SEC63: variants seen among roughly 807,000 people sequenced by gnomAD.
SEC63 encodes SEC63 protein translocation regulator.
A neutral mutation model predicts 116.2 loss-of-function variants in SEC63; 56 were observed. The observed-to-expected ratio is 0.48, with a 90% CI of 0.39 to 0.60. The LOEUF is 0.60. Among genes scored for constraint, SEC63 ranks in the 20% least tolerant of loss-of-function variants. The pLI is 0.00. For synonymous variants in SEC63, 273 were observed against 294.6 expected (o/e 0.93, Z 0.75); for missense variants, 668 against 900.0 (o/e 0.74, Z 3.30).
intron 19 of SEC63, among the ~76,000 whole-genome samples, chr6:107,874,846 A>ATG (rs1786225088): frequency 6.6e-6 from 1 of 151,922 alleles, no homozygotes; most frequent in African/African-American, 2.4e-5. Flanking sequence ...CCCAGCTACA[A>ATG]TGTGTGATCC....
chr6:107,895,171 C>T (rs1362494591), intron 14 of SEC63, among the ~76,000 whole-genome samples: 1 of 152,076 alleles, frequency 6.6e-6, no homozygotes, highest in African/African-American at 2.4e-5. Context: ...CCATTCCATT[C>T]TTTTTTCTAC....
chr6:107,909,376 C>CAAA (rs960279937), intron 7 of SEC63, among the ~76,000 whole-genome samples: 2 of 63,616 alleles, frequency 3.1e-5, no homozygotes, highest in East Asian at 4.9e-4. Flanking sequence ...GACTCTGTCT[C>CAAA]AAAAAAAAAA....
intron 1 of SEC63, among the ~76,000 whole-genome samples, chr6:107,941,688 C>T (rs1268665295): frequency 6.6e-6 from 1 of 152,232 alleles, no homozygotes; most frequent in Non-Finnish European, 1.5e-5. Context: ...CGTACACCCT[C>T]AGAAGAGAAA....
At position 107,924,947 on chromosome 6, in the gene SEC63, G is replaced by C. The variant is rs1562331802; in HGVS notation, c.225-15C>G. ...GAACTATTTTCCTGTTTAGGAAAAA[G>C]GTAAGTGAATCATAAACAAATACAT... On this transcript the variant is annotated splice_polypyrimidine_tract_variant and intron_variant, in intron 2 of 20. Transcript: ENST00000369002. 1 of 1,399,498 alleles carries C rather than the reference G, an allele frequency of 7.1e-7. No individual in the cohort carries two copies. The highest frequency in any genetic ancestry group is 2.3e-5 in the East Asian group (1 of 43,774). The allele number at this position is 1,399,498 out of a possible 1,614,324, so 86.7% of individuals were successfully genotyped here. A position where few individuals can be genotyped will look rare whatever the true frequency, so the allele number is the denominator to read the frequency against.
chr6:107,950,612 G>C (rs970261862), intron 1 of SEC63, among the ~76,000 whole-genome samples: 2 of 152,156 alleles, frequency 1.3e-5, no homozygotes, highest in Non-Finnish European at 2.9e-5. Context: ...TGAGTATACT[G>C]AGATACACAG....
intron 3 of SEC63, among the ~76,000 whole-genome samples, chr6:107,924,218 C>T (rs1457068318): frequency 4.7e-5 from 7 of 149,424 alleles, no homozygotes; most frequent in Non-Finnish European, 1.0e-4. Flanking sequence ...GAGCCGACGT[C>T]GTGCCACTGC....
chr6:107,902,482 ATG>A (rs753073802), intron 12 of SEC63, among the ~76,000 whole-genome samples: 53 of 152,264 alleles, frequency 3.5e-4, no homozygotes, highest in Middle Eastern at 3.4e-3. Flanking sequence ...GATTTATTAA[ATG>A]TTTTTGTTGT....
chr6:107,919,715 G>A (rs1033587193), intron 4 of SEC63, among the ~76,000 whole-genome samples: 8 of 151,842 alleles, frequency 5.3e-5, no homozygotes, highest in Non-Finnish European at 7.4e-5. Flanking sequence ...CCAGCTACTC[G>A]GGAGGCTGAG....
At chr6:107,957,811 C>A (rs1770741420) in intron 1 of SEC63, 75 bp downstream of exon 1, 1 of 1,377,852 alleles carries the variant, frequency 7.3e-7, no homozygotes, top group Non-Finnish European at 9.4e-7. Flanking sequence ...TGGGGCCGGG[C>A]AAGCGGGCGC....
At chr6:107,918,748 C>T (rs1183782432) in intron 4 of SEC63, among the ~76,000 whole-genome samples, 2 of 151,272 alleles carry the variant, frequency 1.3e-5, no homozygotes, top group Non-Finnish European at 2.9e-5. Context: ...GCTATAGCTG[C>T]TACAGACACA....
chr6:107,933,774 G>A (rs907407891), intron 1 of SEC63, among the ~76,000 whole-genome samples: 5 of 148,946 alleles, frequency 3.4e-5, no homozygotes, highest in South Asian at 2.2e-4. Context: ...ATGTCTAGCC[G>A]AAGCTGGACT....
At chr6:107,945,885 C>A (rs1770471664) in intron 1 of SEC63, among the ~76,000 whole-genome samples, 1 of 152,070 alleles carries the variant, frequency 6.6e-6, no homozygotes, top group Non-Finnish European at 1.5e-5. Context: ...TAAATAAAAG[C>A]AATTTTACAT....
intron 1 of SEC63, chr6:107,932,152 T>G (rs2094363302): frequency 1.2e-5 from 2 of 168,826 alleles, no homozygotes; most frequent in African/African-American, 4.8e-5. Flanking sequence ...ATGGCCAAGG[T>G]AAACATACTC....
At position 107,906,563 on chromosome 6, in the gene SEC63, G is replaced by A; in HGVS notation, c.846C>T (p.Gly282=). 6.2e-7 allele frequency: 1 copy of A among 1,612,884 alleles called. No individual in the cohort carries two copies. The highest frequency in any genetic ancestry group is 8.5e-7 in the Non-Finnish European group (1 of 1,179,004). Residue 282 remains glycine, a synonymous_variant, in exon 10 of 21, where the codon GGC becomes GGT. Coordinates refer to ENST00000369002, the MANE Select transcript of SEC63 (RefSeq NM_007214.5). ...GCTCATTCTTCTTTAAATTAATGCT[G>A]CCAATTTCTCTGATTAGCTAGAATA... ...ILIPQLIREI[G]SINLKKNEPP... is the part of the protein sequence containing the mutation.
intron 8 of SEC63, 129 bp from the exon 9 acceptor site, chr6:107,906,906 C>T: frequency 1.4e-6 from 1 of 724,214 alleles, no homozygotes; most frequent in Admixed American, 2.2e-5. Flanking sequence ...ATTATCTGAA[C>T]TCCACTGACA....
chr6:107,918,191 A>C (rs1787458527), intron 4 of SEC63, among the ~76,000 whole-genome samples: 1 of 151,964 alleles, frequency 6.6e-6, no homozygotes, highest in African/African-American at 2.4e-5. Flanking sequence ...TGATGACAGC[A>C]TGTGTTGACA....
chr6:107,913,508 C>G, intron 4 of SEC63, 81 bp from the exon 5 acceptor site: 1 of 933,168 alleles, frequency 1.1e-6, no homozygotes, highest in Non-Finnish European at 1.8e-6. Flanking sequence ...CTCCATTAGC[C>G]AACCAACTCA....
chr6:107,919,442 G>C (rs1787495347), intron 4 of SEC63, among the ~76,000 whole-genome samples: 1 of 152,162 alleles, frequency 6.6e-6, no homozygotes, highest in Non-Finnish European at 1.5e-5. Flanking sequence ...TGTGAACATT[G>C]TTGAAATCAC....
At chr6:107,872,212 A>G (rs1177562194) in intron 20 of SEC63, among the ~76,000 whole-genome samples, 1 of 152,220 alleles carries the variant, frequency 6.6e-6, no homozygotes, top group Admixed American at 6.5e-5. Context: ...GACATTTTGC[A>G]GTCTCTAGAC....
Sources: gnomAD v4.1 joint callset for allele counts (sites outside exome capture counted in the v4.1 genomes callset) on GRCh38, gnomAD v4.1.1 for gene constraint, MANE v1.5 for transcripts, NCBI Gene and HGNC (gene_info 2026-07-23, HGNC 2026-07-21) for gene names.